SPAG9: variants seen among roughly 807,000 people sequenced by gnomAD.
SPAG9 encodes the protein C-Jun-amino-terminal kinase-interacting protein 4.
SPAG9 carries 35 observed loss-of-function variants against 166.5 expected under a neutral mutation model. The ratio of observed to expected loss-of-function variants is 0.21; its 90% CI spans 0.16 to 0.28. The LOEUF is 0.28. SPAG9 is among the 10% of genes least tolerant of loss of function. The pLI is 1.00. For missense variants in SPAG9, 1,235 were observed against 1,603.3 expected, an observed-to-expected ratio of 0.77 and a Z score of 3.92; for synonymous variants, 534 against 565.5, an observed-to-expected ratio of 0.94 and a Z score of 0.79.
Position 50,998,440 on chromosome 17 carries a change from T to C in SPAG9, c.1838+4A>G. 3 of 1,611,050 alleles carry C rather than the reference T, an allele frequency of 1.9e-6. No individual in the cohort carries two copies. Among genetic ancestry groups the C allele is most frequent in the Non-Finnish European group, 2.5e-6 (3 of 1,178,476 alleles). On this transcript the variant is annotated splice_donor_region_variant and intron_variant, in intron 15 of 29. Transcript: ENST00000262013. Reference sequence around the variant, plus strand: ...ATATAATGATTAATTTGGAAAAGACTTACTCTTCACTAAGGAAATCAAAGG... The same window carrying C: ...ATATAATGATTAATTTGGAAAAGACCTACTCTTCACTAAGGAAATCAAAGG...
At chr17:51,031,605 T>A in intron 6 of SPAG9, 76 bp downstream of exon 6, 1 of 996,594 alleles carries the variant, frequency 1.0e-6, no homozygotes, top group Non-Finnish European at 1.6e-6. Flanking sequence ...GTCTTGAGAA[T>A]AGCAGTTGAG....
chr17:51,079,387 C>G (rs1291707940), intron 2 of SPAG9, among the ~76,000 whole-genome samples, 197 bp downstream of exon 2: 1 of 152,056 alleles, frequency 6.6e-6, no homozygotes, highest in Non-Finnish European at 1.5e-5. Context: ...TACAGTCATG[C>G]ACAACCATGC....
intron 2 of SPAG9, among the ~76,000 whole-genome samples, chr17:51,064,291 T>C (rs986579364): frequency 2.0e-5 from 3 of 152,226 alleles, no homozygotes; most frequent in African/African-American, 4.8e-5. Flanking sequence ...AACATTAAGT[T>C]ATCTACTTAC....
At chr17:51,113,644 C>CACT (rs2049191354) in intron 1 of SPAG9, among the ~76,000 whole-genome samples, 1 of 149,238 alleles carries the variant, frequency 6.7e-6, no homozygotes, top group Non-Finnish European at 1.5e-5. Context: ...CGCGCTACTG[C>CACT]ACTCCAGCAT....
rs764197165 is a variant in SPAG9, at chr17:50,990,578, T to C, written c.2489A>G (p.Asn830Ser). 2 of 1,614,118 alleles carry C rather than the reference T, an allele frequency of 1.2e-6. No homozygotes were observed. The highest frequency in any genetic ancestry group is 1.3e-5 in the African/African-American group (1 of 74,946). Residue 830 changes from asparagine to serine, a missense_variant, in exon 20 of 30, where the codon AAC becomes AGC. By Grantham distance (46) the Asn-to-Ser change is conservative (BLOSUM62 1). Around this residue, in one of 6 missense-constraint regions of SPAG9, gnomAD observed 493 missense variants for 559.4 expected, o/e 0.88. Transcript: ENST00000262013. Reference protein sequence around the residue: ...KASLCGSMTSNSSAETDSLLG... With the variant: ...KASLCGSMTSSSSAETDSLLG... ...CAGGCTGTCTGTCTCTGCTGAGCTG[T>C]TGCTTGTCATACTTCCACATAAAGA...
chr17:51,078,975 T>C (rs1485126587), intron 2 of SPAG9, among the ~76,000 whole-genome samples: 3 of 152,100 alleles, frequency 2.0e-5, no homozygotes, highest in Non-Finnish European at 4.4e-5. Flanking sequence ...GATCCACACA[T>C]ACACACACAC....
At chr17:51,105,269 C>G (rs1009271863) in intron 1 of SPAG9, among the ~76,000 whole-genome samples, 2 of 152,020 alleles carry the variant, frequency 1.3e-5, no homozygotes, top group East Asian at 3.8e-4. Context: ...AGAATGGTCA[C>G]GTAGGTAAGA....
At chr17:50,968,313 T>G (rs1199515665) in intron 29 of SPAG9, among the ~76,000 whole-genome samples, 3 of 152,222 alleles carry the variant, frequency 2.0e-5, no homozygotes, top group Non-Finnish European at 2.9e-5. Context: ...TTTACAGAAT[T>G]CATATCTAAA....
rs771434744 is a variant in SPAG9 at position 50,984,910 on chromosome 17, C to T, written c.3088+13G>A. ...CAAATTAGTGTCCATGTTATACACA[C>T]ATCACCACTCACCCACTCCTCTGTG... On this transcript the variant is annotated intron_variant, in intron 24 of 29. Coordinates refer to ENST00000262013, the MANE Select transcript of SPAG9 (RefSeq NM_001130528.3). The T allele has an allele frequency of 6.2e-7, 1 of 1,609,564 alleles. No individual in the cohort carries two copies. The highest frequency in any genetic ancestry group is 8.5e-7 in the Non-Finnish European group (1 of 1,175,838).
At chr17:51,020,857 A>T (rs1049085636) in intron 7 of SPAG9, among the ~76,000 whole-genome samples, 2 of 152,314 alleles carry the variant, frequency 1.3e-5, no homozygotes, top group East Asian at 3.9e-4. Context: ...ACTTTAAATC[A>T]TCTCTAGATT....
At chr17:51,035,324 C>T (rs904958525) in intron 5 of SPAG9, among the ~76,000 whole-genome samples, 8 of 152,096 alleles carry the variant, frequency 5.3e-5, no homozygotes, top group Non-Finnish European at 1.0e-4. Context: ...GGGGATGCTG[C>T]GTGAAGGGTA....
chr17:51,104,703 G>A (rs2048893911), intron 1 of SPAG9, among the ~76,000 whole-genome samples: 1 of 151,918 alleles, frequency 6.6e-6, no homozygotes, highest in Non-Finnish European at 1.5e-5. Context: ...GAAGGCCGAG[G>A]CGGGCGGATC....
chr17:51,068,859 C>T (rs181671466), intron 2 of SPAG9, among the ~76,000 whole-genome samples: 2 of 152,164 alleles, frequency 1.3e-5, no homozygotes, highest in East Asian at 3.9e-4. Context: ...ATAGACAACA[C>T]TAGACTCAAA....
rs1974728840 is a variant in SPAG9, at chr17:50,982,382, A to C, written c.3237+142T>G. The C allele has an allele frequency of 1.2e-5, 8 of 689,236 alleles. No homozygotes were observed. In the South Asian group the frequency reaches 1.9e-4, roughly 17 times the overall value. The allele number at this position is 689,236 out of a possible 1,614,324, so 42.7% of individuals were successfully genotyped here. A position where few individuals can be genotyped will look rare whatever the true frequency, so the allele number is the denominator to read the frequency against. ...GAGAGTTAAGTAACACAGAAAGCTA[A>C]GATATTCAAATACATTACTCAAGTG... On this transcript the variant is annotated intron_variant, in intron 25 of 29. Coordinates refer to ENST00000262013, the MANE Select transcript of SPAG9 (RefSeq NM_001130528.3).
chr17:51,059,521 AGGTG>A (rs2047446052), intron 2 of SPAG9, among the ~76,000 whole-genome samples: 2 of 152,156 alleles, frequency 1.3e-5, no homozygotes, highest in South Asian at 4.2e-4. Context: ...TTGAGAGCCG[AGGTG>A]GGCGGATCAC....
intron 8 of SPAG9, 116 bp downstream of exon 8, chr17:51,020,043 C>T (rs2045878810): frequency 1.6e-6 from 1 of 644,364 alleles, no homozygotes; most frequent in Non-Finnish European, 2.8e-6. Flanking sequence ...GAATATAATA[C>T]TAACATTTCT....
intron 24 of SPAG9, among the ~76,000 whole-genome samples, chr17:50,984,152 T>G (rs1053696035): frequency 4.6e-5 from 7 of 152,130 alleles, no homozygotes; most frequent in African/African-American, 1.7e-4. Context: ...TTAATTCATT[T>G]AAGGTAGGGT....
At chr17:50,994,301 C>T (rs569985352) in intron 18 of SPAG9, among the ~76,000 whole-genome samples, 7 of 152,300 alleles carry the variant, frequency 4.6e-5, no homozygotes, top group Non-Finnish European at 7.3e-5. Flanking sequence ...GTAAGAAGTG[C>T]CTTTCATCTC....
At chr17:51,102,121 A>G (rs2048823535) in intron 1 of SPAG9, among the ~76,000 whole-genome samples, 1 of 151,842 alleles carries the variant, frequency 6.6e-6, no homozygotes, top group Admixed American at 6.6e-5. Context: ...AGTGGCTCAC[A>G]TTTGTAATCC....
Sources: gnomAD v4.1 joint callset for allele counts (sites outside exome capture counted in the v4.1 genomes callset) on GRCh38, gnomAD v4.1.1 for gene constraint, gnomAD v4.1.1 regional missense constraint, MANE v1.5 for transcripts, NCBI Gene and HGNC (gene_info 2026-07-23, HGNC 2026-07-21) for gene names.